The following P3H1 variants were observed in gnomAD, a reference collection of about 807,000 sequenced individuals.
P3H1 encodes prolyl 3-hydroxylase 1.
Under a neutral mutation model 84.0 loss-of-function variants are expected in P3H1, and 69 were observed. The ratio of observed to expected loss-of-function variants is 0.82; its 90% CI spans 0.68 to 1.00. The LOEUF (loss-of-function observed/expected upper bound fraction) is 1.00, where lower values mean the gene tolerates loss of function less well. Among genes scored for constraint, P3H1 ranks in the 50% least tolerant of loss-of-function variants. The pLI is 0.00. For missense variants in P3H1, 878 were observed against 962.8 expected (o/e 0.91, Z 1.17); for synonymous variants, 366 against 388.8 (o/e 0.94, Z 0.69).
At chr1:42,759,508 G>A (rs1652590429) in intron 2 of P3H1, 118 bp from the exon 3 acceptor site, 1 of 791,416 alleles carries the variant, frequency 1.3e-6, no homozygotes. Flanking sequence ...GATGGAAAGG[G>A]GTGACCTGGG....
chr1:42,762,645 C>T (rs1652782895), intron 1 of P3H1, among the ~76,000 whole-genome samples, 170 bp from the exon 2 acceptor site: 1 of 152,196 alleles, frequency 6.6e-6, no homozygotes, highest in Non-Finnish European at 1.5e-5. Context: ...GAACTACCCA[C>T]GACAGATTAG....
rs200826653 is a variant in P3H1 at position 42,766,021 on chromosome 1, C to CCA, written c.465+484_465+485dup. Among the ~76,000 whole-genome samples the CCA allele has an allele frequency of 3.4e-3, 480 of 141,318 alleles. 13 individuals are homozygous for CCA. The highest frequency in any genetic ancestry group is 0.013 in the African/African-American group (465 of 34,970). The allele number at this position is 141,318 out of a possible 152,430, so 92.7% of individuals were successfully genotyped here. Reference sequence around the variant, plus strand: ...TAGCCAGAGGGTCCCCCCCCCGCCCCCACACACACACAGAAAGGGCCAGGC... The same window carrying CCA: ...TAGCCAGAGGGTCCCCCCCCCGCCCCCACACACACACACAGAAAGGGCCAGGC... On this transcript the variant is annotated intron_variant, in intron 1 of 14. Coordinates refer to ENST00000296388, the MANE Select transcript of P3H1 (RefSeq NM_022356.4).
At chr1:42,759,034 C>G (rs770372253) in intron 3 of P3H1, 51 bp from the exon 4 acceptor site, 81 of 1,610,890 alleles carry the variant, frequency 5.0e-5, no homozygotes, top group Non-Finnish European at 6.1e-5. Flanking sequence ...CTTTAGAACT[C>G]AAATTCTGGT....
At position 42,746,585 on chromosome 1, in the gene P3H1, G is replaced by T; in HGVS notation, c.*112C>A. 1.2e-6 allele frequency: 1 copy of T among 854,222 alleles called. No individual in the cohort carries two copies. The highest frequency in any genetic ancestry group is 1.9e-6 in the Non-Finnish European group (1 of 521,906). 52.9% of individuals were successfully genotyped at this position (854,222 alleles called of 1,614,324 possible). A position where few individuals can be genotyped will look rare whatever the true frequency, so the allele number is the denominator to read the frequency against. Reference sequence around the variant, plus strand: ...GGCTGTGAGCAGGGTCCCCTCGGCTGAGTGGCAGATGTAGGCTCACTGCTC... The same window carrying T: ...GGCTGTGAGCAGGGTCCCCTCGGCTTAGTGGCAGATGTAGGCTCACTGCTC... On this transcript the variant is annotated 3_prime_UTR_variant, in exon 15 of 15. Coordinates refer to ENST00000296388, the MANE Select transcript of P3H1 (RefSeq NM_022356.4).
Position 42,750,393 on chromosome 1 carries a change from G to C in P3H1, c.1570-57C>G, listed in dbSNP as rs1651970708. 1.9e-6 allele frequency: 3 copies of C among 1,593,788 alleles called. No homozygotes were observed. The African/African-American group carries it at 4.0e-5, about 21-fold the overall frequency. On this transcript the variant is annotated intron_variant, in intron 10 of 14. Coordinates refer to ENST00000296388, the MANE Select transcript of P3H1 (RefSeq NM_022356.4). ...AACGACTGATATGGTTTGGCTCTGT[G>C]TCCCTACCCAAATCTTATCTTGTAG... is the stretch of plus-strand genomic sequence containing the variant.
chr1:42,764,613 G>GAGATAATAT (rs777989413), intron 1 of P3H1, among the ~76,000 whole-genome samples: 8 of 152,030 alleles, frequency 5.3e-5, no homozygotes, highest in Non-Finnish European at 1.2e-4. Flanking sequence ...AGAGTTCAAC[G>GAGATAATAT]AGATAATATG....
At chr1:42,756,138 A>C (rs1652390727) in intron 5 of P3H1, among the ~76,000 whole-genome samples, 1 of 152,184 alleles carries the variant, frequency 6.6e-6, no homozygotes, top group African/African-American at 2.4e-5. Flanking sequence ...CCACTGTCTA[A>C]GGTGACACTA....
Position 42,755,573 on chromosome 1 carries a change from AC to A in P3H1, c.1144del (p.Val382PhefsTer17). The A allele has an allele frequency of 6.2e-7, 1 of 1,613,982 alleles. No individual in the cohort carries two copies. Among genetic ancestry groups the A allele is most frequent in the Non-Finnish European group, 8.5e-7 (1 of 1,179,934 alleles). The stretch of plus-strand genomic sequence containing the variant: ...CGGATCCACAAAGGGAATTCCAAAA[AC>A]ATCATAAGCGAAGAAAAGCAGTTCT... ...EKELLFFAYD[V>X]FGIPFVDPDS... On this transcript the variant is annotated frameshift_variant, in exon 6 of 15. Coordinates refer to ENST00000296388, the MANE Select transcript of P3H1 (RefSeq NM_022356.4). LOFTEE classifies it high-confidence loss of function.
chr1:42,766,943 G>T lies in P3H1; in HGVS notation c.29C>A (p.Thr10Asn), dbSNP rs766113134. 1.2e-6 allele frequency: 2 copies of T among 1,609,402 alleles called. No individual in the cohort carries two copies. Among genetic ancestry groups the T allele is most frequent in the Non-Finnish European group, 1.7e-6 (2 of 1,179,832 alleles). Residue 10 changes from threonine (T) to asparagine (N), a missense_variant, in exon 1 of 15, where the codon ACC (threonine) becomes AAC (asparagine). Transcript: ENST00000296388. ...AGCGGCCACGACAGCCAGCAGTGTG[G>T]TCAGCAGCTTCAACGCGCGTACCGC... MAVRALKLL[T>N]TLLAVVAAAS...
Position 42,766,828 on chromosome 1 carries a change from G to A in P3H1, c.144C>T (p.Arg48=), listed in dbSNP as rs764779373. 5.6e-6 allele frequency: 9 copies of A among 1,604,204 alleles called. No individual in the cohort carries two copies. In the African/African-American group the frequency reaches 1.2e-4, roughly 21 times the overall value. ...TCAGGACCACCCCGGGCCAGTCCCC[G>A]CGCGCGTAGGCTGCGGTCCCCTCGG... ...LFAEGTAAYA[R]GDWPGVVLSM... is the part of the protein sequence containing the mutation. The change falls in exon 1 of 15, where the codon CGC becomes CGT. Residue 48 remains arginine, a synonymous_variant. Transcript: ENST00000296388.
At chr1:42,764,822 AT>A (rs1422845702) in intron 1 of P3H1, among the ~76,000 whole-genome samples, 1 of 151,870 alleles carries the variant, frequency 6.6e-6, no homozygotes, top group East Asian at 1.9e-4. Flanking sequence ...AAAATTAGAA[AT>A]TTTTTCAGGT....
intron 1 of P3H1, among the ~76,000 whole-genome samples, chr1:42,765,898 C>T (rs564154447): frequency 1.3e-5 from 2 of 152,198 alleles, no homozygotes; most frequent in Non-Finnish European, 2.9e-5. Flanking sequence ...TCACCACCAC[C>T]AAACAAGCCT....
At chr1:42,748,075 G>T in intron 12 of P3H1, 125 bp downstream of exon 12, 1 of 744,258 alleles carries the variant, frequency 1.3e-6, no homozygotes, top group South Asian at 1.5e-5. Flanking sequence ...ATAAAGGATT[G>T]GACTCTGGGA....
Position 42,762,300 on chromosome 1 carries a change from G to A in P3H1, c.618+23C>T, listed in dbSNP as rs376804109. The A allele has an allele frequency of 6.2e-4, 992 of 1,610,788 alleles. 3 individuals are homozygous for A. Among genetic ancestry groups the A allele is most frequent in the Admixed American group, 1.0e-3 (62 of 59,962 alleles). On this transcript the variant is annotated intron_variant, in intron 2 of 14. Transcript: ENST00000296388. ...ATAAATTTAAAAAGAAAGAAAGAAA[G>A]AAGGGGATAAAGTTTTTTTCACCAT...
chr1:42,746,490 GC>G lies in P3H1; in HGVS notation c.*206del, dbSNP rs1651713329. ...GGGGGTGGCTGGGCCTGTGTCCTGA[GC>G]CCTCAGCCAGATCCAGGGGGTGCGG... is the stretch of plus-strand genomic sequence containing the variant. On this transcript the variant is annotated 3_prime_UTR_variant, in exon 15 of 15. Transcript: ENST00000296388. The G allele has an allele frequency of 1.3e-5, 8 of 603,304 alleles. No homozygotes were observed. Among genetic ancestry groups the G allele is most frequent in the African/African-American group, 3.7e-5 (2 of 53,958 alleles). The allele number at this position is 603,304 out of a possible 1,614,324, so 37.4% of individuals were successfully genotyped here.
rs1651970981 is a variant in P3H1, at chr1:42,750,401, C to A, written c.1570-65G>T. 7.6e-6 allele frequency: 12 copies of A among 1,579,732 alleles called. No homozygotes were observed. In the East Asian group the frequency reaches 1.6e-4, roughly 21 times the overall value. On this transcript the variant is annotated intron_variant, in intron 10 of 14. Transcript: ENST00000296388. ...ATATGGTTTGGCTCTGTGTCCCTACCCAAATCTTATCTTGTAGTTCCCATA... is the reference window on the plus strand; with the variant it reads ...ATATGGTTTGGCTCTGTGTCCCTACACAAATCTTATCTTGTAGTTCCCATA...
intron 2 of P3H1, chr1:42,762,050 T>C (rs1652745933): frequency 2.7e-6 from 1 of 372,438 alleles, no homozygotes; most frequent in African/African-American, 2.0e-5. Context: ...TACCTACATT[T>C]CTACAATGTT....
rs1217154391 is a variant in P3H1 at position 42,750,651 on chromosome 1, G to GGC, written c.1570-316_1570-315insGC. Among the ~76,000 whole-genome samples, 6 of 109,318 alleles carry GGC rather than the reference G, an allele frequency of 5.5e-5. 1 individual carries two copies. The highest frequency in any genetic ancestry group is 4.2e-4 in the African/African-American group (6 of 14,272). 71.7% of individuals were successfully genotyped at this position (109,318 alleles called of 152,430 possible). On this transcript the variant is annotated intron_variant, in intron 10 of 14. Coordinates refer to ENST00000296388, the MANE Select transcript of P3H1 (RefSeq NM_022356.4). ...AGCCACCCCGTCCGGGAGGGAGGCCGGGGGGGGTGGTCGGCCAGCCGCCCC... is the reference window on the plus strand; with the variant it reads ...AGCCACCCCGTCCGGGAGGGAGGCCGGCGGGGGGGTGGTCGGCCAGCCGCCCC...
At position 42,754,821 on chromosome 1, in the gene P3H1, C is replaced by G. The variant is rs759029762; in HGVS notation, c.1345+48G>C. On this transcript the variant is annotated intron_variant, in intron 8 of 14. Coordinates refer to ENST00000296388, the MANE Select transcript of P3H1 (RefSeq NM_022356.4). The surrounding 1 kb of genome is among the most constrained non-coding windows in gnomAD (Gnocchi z 4.0). Reference sequence around the variant, plus strand: ...GCCTGGCAAATGTGGGGTGACCTGCCTGGCTCCCTGACAACAGCCAGACAT... The same window carrying G: ...GCCTGGCAAATGTGGGGTGACCTGCGTGGCTCCCTGACAACAGCCAGACAT... 3 of 1,613,670 alleles carry G rather than the reference C, an allele frequency of 1.9e-6. No individual in the cohort carries two copies. Among genetic ancestry groups the G allele is most frequent in the Non-Finnish European group, 2.5e-6 (3 of 1,179,756 alleles).
Sources: allele counts gnomAD v4.1 joint callset (sites outside exome capture counted in the v4.1 genomes callset), GRCh38; gene constraint gnomAD v4.1.1; non-coding constraint Gnocchi (gnomAD v3.1); transcripts MANE v1.5; gene names NCBI Gene and HGNC (gene_info 2026-07-23, HGNC 2026-07-21).